Variants in CSRNP3 observed in about 807,000 individuals in gnomAD.
CSRNP3 encodes the protein cysteine/serine-rich nuclear protein 3.
Under a neutral mutation model 48.0 loss-of-function variants are expected in CSRNP3, and 12 were observed. The observed-to-expected ratio is 0.25, with a 90% CI of 0.16 to 0.41. The LOEUF (loss-of-function observed/expected upper bound fraction) is 0.41. Ranked by LOEUF, CSRNP3 falls within the 10% of genes least tolerant of loss-of-function variation. CSRNP3 has a pLI of 1.00. For synonymous variants in CSRNP3, 263 were observed against 269.7 expected (o/e 0.98, Z 0.24); for missense variants, 580 against 724.4 (o/e 0.80, Z 2.29).
At chr2:165,536,675 T>C (rs957980379) in intron 3 of CSRNP3, among the ~76,000 whole-genome samples, 1 of 151,876 alleles carries the variant, frequency 6.6e-6, no homozygotes, top group Admixed American at 6.6e-5. Context: ...AGAAAATGTA[T>C]GTAAGATTTT....
At chr2:165,612,570 C>T (rs1410075981) in intron 4 of CSRNP3, among the ~76,000 whole-genome samples, 1 of 151,918 alleles carries the variant, frequency 6.6e-6, no homozygotes, top group Non-Finnish European at 1.5e-5. Flanking sequence ...TCTTCCTGTC[C>T]TCCCTCTTCC....
intron 4 of CSRNP3, among the ~76,000 whole-genome samples, chr2:165,607,904 G>C (rs979654098): frequency 6.6e-5 from 10 of 151,788 alleles, no homozygotes; most frequent in Admixed American, 1.3e-4. Flanking sequence ...TGTGAGAATA[G>C]ATTGGGCTTC....
At chr2:165,485,341 CAATT>C (rs1371716491) in intron 1 of CSRNP3, among the ~76,000 whole-genome samples, 1 of 152,094 alleles carries the variant, frequency 6.6e-6, no homozygotes, top group African/African-American at 2.4e-5. Context: ...ATAAAGAAAT[CAATT>C]AAACACCTAT....
chr2:165,655,233 A>C (rs1317427038), intron 4 of CSRNP3, among the ~76,000 whole-genome samples: 2 of 152,188 alleles, frequency 1.3e-5, no homozygotes, highest in African/African-American at 4.8e-5. Flanking sequence ...ATGATGCCAA[A>C]TCTCAGCCTT....
chr2:165,510,589 T>C (rs1445199611), intron 2 of CSRNP3, among the ~76,000 whole-genome samples: 1 of 152,174 alleles, frequency 6.6e-6, no homozygotes, highest in Non-Finnish European at 1.5e-5. Flanking sequence ...AAATCAGCCA[T>C]TTTCACTAAG....
At chr2:165,527,117 T>C (rs1436561346) in intron 3 of CSRNP3, among the ~76,000 whole-genome samples, 1 of 151,994 alleles carries the variant, frequency 6.6e-6, no homozygotes, top group Non-Finnish European at 1.5e-5. Flanking sequence ...GCATATTTTA[T>C]GATTAGGGAG....
intron 3 of CSRNP3, among the ~76,000 whole-genome samples, chr2:165,580,207 G>A (rs1311929120): frequency 2.0e-5 from 3 of 152,216 alleles, no homozygotes; most frequent in Non-Finnish European, 2.9e-5. Context: ...TTTAAAGGGT[G>A]AATCTCCTCT....
intron 1 of CSRNP3, among the ~76,000 whole-genome samples, chr2:165,473,954 A>G (rs1221736402): frequency 1.3e-5 from 2 of 151,980 alleles, no homozygotes; most frequent in African/African-American, 4.8e-5. Context: ...TTGATACGAG[A>G]TCAACTTCAT....
rs566922205 is a variant in CSRNP3, at chr2:165,576,788, T to C, written c.-23-18255T>C. Among the ~76,000 whole-genome samples the C allele has an allele frequency of 5.3e-5, 8 of 152,086 alleles. No homozygotes were observed. In the South Asian group the frequency reaches 1.2e-3, roughly 24 times the overall value. ...TGCATTTGTGTAAATACAATTCAAATCAAATTTGAGAAGTAAAAGAATAAA... is the reference window on the plus strand; with the variant it reads ...TGCATTTGTGTAAATACAATTCAAACCAAATTTGAGAAGTAAAAGAATAAA... On this transcript the variant is annotated intron_variant, in intron 3 of 6. Transcript: ENST00000651982.
chr2:165,487,815 C>A (rs1222095137), intron 1 of CSRNP3, among the ~76,000 whole-genome samples: 1 of 149,928 alleles, frequency 6.7e-6, no homozygotes, highest in Admixed American at 6.6e-5. Context: ...TGGAAAGGAA[C>A]AACCGGTACC....
At chr2:165,661,337 A>G (rs1032359832) in intron 5 of CSRNP3, among the ~76,000 whole-genome samples, 1 of 152,202 alleles carries the variant, frequency 6.6e-6, no homozygotes, top group African/African-American at 2.4e-5. Context: ...CGTACTGAAC[A>G]TTATGGCTTA....
At chr2:165,606,000 G>A (rs7577698) in intron 4 of CSRNP3, among the ~76,000 whole-genome samples, 54,991 of 151,794 alleles carry the variant, frequency 0.36, 10,368 homozygotes, top group Admixed American at 0.47. Flanking sequence ...CAAATGAGTT[G>A]AGAAGTAAGA....
At chr2:165,521,128 G>A (rs1684655775) in intron 3 of CSRNP3, among the ~76,000 whole-genome samples, 1 of 148,010 alleles carries the variant, frequency 6.8e-6, no homozygotes, top group African/African-American at 2.5e-5. Context: ...AGCTCTGTAA[G>A]TTTAACCACA....
chr2:165,536,420 C>A (rs755757428), intron 3 of CSRNP3, among the ~76,000 whole-genome samples: 2 of 151,838 alleles, frequency 1.3e-5, no homozygotes, highest in African/African-American at 2.4e-5. Context: ...TAAATTTCAG[C>A]TGAATATGGC....
intron 4 of CSRNP3, among the ~76,000 whole-genome samples, chr2:165,628,347 GT>G (rs1313288071): frequency 1.2e-4 from 19 of 152,042 alleles, no homozygotes; most frequent in Admixed American, 3.9e-4. Context: ...TGTATCACAG[GT>G]TTTCAATTGC....
intron 1 of CSRNP3, among the ~76,000 whole-genome samples, chr2:165,475,546 T>C (rs1558910407): frequency 6.6e-6 from 1 of 152,190 alleles, no homozygotes; most frequent in Non-Finnish European, 1.5e-5. Flanking sequence ...AAATTATAGC[T>C]CTTGATGACA....
chr2:165,658,418 G>A (rs1472430159), intron 5 of CSRNP3, among the ~76,000 whole-genome samples: 1 of 152,156 alleles, frequency 6.6e-6, no homozygotes, highest in African/African-American at 2.4e-5. Flanking sequence ...GAGTTGCAAG[G>A]TATTATGAAA....
intron 2 of CSRNP3, among the ~76,000 whole-genome samples, chr2:165,500,441 G>A (rs201109549): frequency 1.7e-5 from 2 of 118,874 alleles, no homozygotes; most frequent in Non-Finnish European, 1.7e-5. Context: ...ACACACACAC[G>A]TGTATATATA....
intron 3 of CSRNP3, among the ~76,000 whole-genome samples, chr2:165,532,051 A>T (rs1684819994): frequency 6.6e-6 from 1 of 152,220 alleles, no homozygotes; most frequent in Non-Finnish European, 1.5e-5. Context: ...AGGCTCTGAA[A>T]TTGAGGCAAC....
Sources: gnomAD v4.1 joint callset for allele counts (sites outside exome capture counted in the v4.1 genomes callset) on GRCh38, gnomAD v4.1.1 for gene constraint, MANE v1.5 for transcripts, NCBI Gene and HGNC (gene_info 2026-07-23, HGNC 2026-07-21) for gene names.